CNTNAP2: variants seen among roughly 807,000 people sequenced by gnomAD.
The protein encoded by CNTNAP2 is contactin-associated protein-like 2.
Under a neutral mutation model 155.2 loss-of-function variants are expected in CNTNAP2, and 98 were observed. The ratio of observed to expected loss-of-function variants is 0.63; its 90% CI spans 0.54 to 0.75. CNTNAP2 has a LOEUF of 0.75. CNTNAP2 is among the 30% of genes least tolerant of loss of function. The pLI, the probability that CNTNAP2 is intolerant of heterozygous loss-of-function variation, is 0.00. For synonymous variants in CNTNAP2, 651 were observed against 631.2 expected, an observed-to-expected ratio of 1.03 and a Z score of -0.47; for missense variants, 1,727 against 1,688.1, an observed-to-expected ratio of 1.02 and a Z score of -0.40.
intron 8 of CNTNAP2, among the ~76,000 whole-genome samples, chr7:147,288,708 C>G (rs573099948): frequency 3.9e-5 from 6 of 152,254 alleles, no homozygotes; most frequent in African/African-American, 1.4e-4. Flanking sequence ...TGAATATTTT[C>G]TCTGTTATAC....
At chr7:146,788,260 C>A (rs1458366760) in intron 2 of CNTNAP2, among the ~76,000 whole-genome samples, 4 of 152,216 alleles carry the variant, frequency 2.6e-5, no homozygotes, top group Non-Finnish European at 5.9e-5. Context: ...ACCCCCACAG[C>A]ACAGCAGCGG....
intron 13 of CNTNAP2, among the ~76,000 whole-genome samples, chr7:147,730,385 C>A (rs1215748811): frequency 2.0e-5 from 3 of 152,072 alleles, no homozygotes; most frequent in Non-Finnish European, 2.9e-5. Flanking sequence ...TCACTTCATA[C>A]CTCAGTGTCA....
intron 15 of CNTNAP2, among the ~76,000 whole-genome samples, chr7:147,995,971 G>A (rs1376807701): frequency 1.3e-5 from 2 of 152,184 alleles, no homozygotes; most frequent in African/African-American, 4.8e-5. Flanking sequence ...GCAAATGCAG[G>A]ACCATTTGTA....
chr7:148,274,770 G>C (rs1796843599), intron 21 of CNTNAP2, among the ~76,000 whole-genome samples: 1 of 152,188 alleles, frequency 6.6e-6, no homozygotes, highest in African/African-American at 2.4e-5. Context: ...CCCAGTCTCA[G>C]ATGTTTCTTT....
At chr7:148,383,941 C>G (rs893025055) in intron 22 of CNTNAP2, 53 bp downstream of exon 22, 12 of 1,573,616 alleles carry the variant, frequency 7.6e-6, no homozygotes, top group Non-Finnish European at 3.4e-6. Flanking sequence ...AAACCTCAGT[C>G]TCTTGGGACT....
intron 17 of CNTNAP2, among the ~76,000 whole-genome samples, chr7:148,168,655 A>T (rs1585163937): frequency 6.6e-6 from 1 of 152,116 alleles, no homozygotes; most frequent in Non-Finnish European, 1.5e-5. Context: ...AGGCACATGT[A>T]TACATATGTA....
intron 11 of CNTNAP2, among the ~76,000 whole-genome samples, chr7:147,535,135 A>G (rs1191361189): frequency 2.0e-5 from 3 of 152,296 alleles, no homozygotes; most frequent in African/African-American, 7.2e-5. Context: ...GTTCATGCCT[A>G]TAATCCCAGC....
At chr7:146,988,454 A>T (rs909247076) in intron 3 of CNTNAP2, among the ~76,000 whole-genome samples, 4 of 152,106 alleles carry the variant, frequency 2.6e-5, no homozygotes, top group African/African-American at 7.2e-5. Flanking sequence ...ACTTCCAAAA[A>T]TCTGTTTGAG....
intron 14 of CNTNAP2, among the ~76,000 whole-genome samples, chr7:147,950,666 A>G (rs1328363305): frequency 6.6e-6 from 1 of 152,212 alleles, no homozygotes; most frequent in Non-Finnish European, 1.5e-5. Flanking sequence ...GTGGCAGAAT[A>G]TATAACCTCA....
chr7:148,044,237 G>A (rs539240672), intron 15 of CNTNAP2, among the ~76,000 whole-genome samples: 3 of 148,772 alleles, frequency 2.0e-5, no homozygotes, highest in South Asian at 2.1e-4. Context: ...ATTTAGTCTC[G>A]GGGTCTCCGT....
chr7:147,530,056 A>G (rs1366731525), intron 11 of CNTNAP2, among the ~76,000 whole-genome samples: 2 of 152,212 alleles, frequency 1.3e-5, no homozygotes, highest in African/African-American at 2.4e-5. Context: ...CAAAAATAAC[A>G]TCTGTATTAG....
intron 1 of CNTNAP2, among the ~76,000 whole-genome samples, chr7:146,305,933 CT>C (rs762691290): frequency 2.0e-5 from 3 of 151,938 alleles, no homozygotes; most frequent in Non-Finnish European, 4.4e-5. Context: ...ACAAAATACC[CT>C]TCAAAAAATC....
At chr7:146,274,452 G>A (rs1394476787) in intron 1 of CNTNAP2, among the ~76,000 whole-genome samples, 1 of 152,138 alleles carries the variant, frequency 6.6e-6, no homozygotes, top group African/African-American at 2.4e-5. Context: ...TGATTCTATA[G>A]TAACACAAAC....
chr7:146,627,989 T>C (rs1288593470), intron 1 of CNTNAP2, among the ~76,000 whole-genome samples: 1 of 152,160 alleles, frequency 6.6e-6, no homozygotes, highest in Non-Finnish European at 1.5e-5. Flanking sequence ...CCAATGAGTG[T>C]GTGGTCACGT....
chr7:148,105,766 T>C (rs930647805), intron 15 of CNTNAP2, among the ~76,000 whole-genome samples: 4 of 152,034 alleles, frequency 2.6e-5, no homozygotes, highest in Non-Finnish European at 4.4e-5. Flanking sequence ...TTTGTATTTT[T>C]AGTAGAGACA....
chr7:146,328,189 C>A (rs946557648), intron 1 of CNTNAP2, among the ~76,000 whole-genome samples: 1 of 152,052 alleles, frequency 6.6e-6, no homozygotes, highest in African/African-American at 2.4e-5. Context: ...GTGAACTGCA[C>A]CTGCGAGGGA....
chr7:147,823,770 G>C (rs879336141), intron 13 of CNTNAP2, among the ~76,000 whole-genome samples: 1 of 151,822 alleles, frequency 6.6e-6, no homozygotes, highest in Non-Finnish European at 1.5e-5. Context: ...TAGGTGAATG[G>C]CTTAAAACAA....
At chr7:146,434,105 C>G (rs1281533300) in intron 1 of CNTNAP2, among the ~76,000 whole-genome samples, 1 of 152,108 alleles carries the variant, frequency 6.6e-6, no homozygotes, top group Non-Finnish European at 1.5e-5. Context: ...CTGAATTTCA[C>G]AAATGATACA....
intron 13 of CNTNAP2, among the ~76,000 whole-genome samples, chr7:147,674,506 A>T (rs1038844373): frequency 3.3e-5 from 5 of 152,188 alleles, no homozygotes; most frequent in African/African-American, 1.2e-4. Context: ...TCTATTGTAA[A>T]AAATGAGCGT....
Sources: allele counts gnomAD v4.1 joint callset (sites outside exome capture counted in the v4.1 genomes callset), GRCh38; gene constraint gnomAD v4.1.1; transcripts MANE v1.5; gene names NCBI Gene and HGNC (gene_info 2026-07-23, HGNC 2026-07-21).